The following TENT4A variants were observed in gnomAD, a reference collection of about 807,000 sequenced individuals.
TENT4A encodes terminal nucleotidyltransferase 4A, also known as DNA polymerase kappa.
TENT4A carries 7 observed loss-of-function variants against 72.8 expected under a neutral mutation model. The observed-to-expected ratio is 0.10, with a 90% CI of 0.05 to 0.18. TENT4A has a LOEUF of 0.18. Ranked by LOEUF, TENT4A falls within the 10% of genes least tolerant of loss-of-function variation. The pLI, the probability that TENT4A is intolerant of heterozygous loss-of-function variation, is 1.00. For missense variants in TENT4A, 831 were observed against 1,017.7 expected, an observed-to-expected ratio of 0.82 and a Z score of 2.50; for synonymous variants, 456 against 434.3, an observed-to-expected ratio of 1.05 and a Z score of -0.62.
At chr5:6,722,669 T>C (rs1740719168) in intron 1 of TENT4A, among the ~76,000 whole-genome samples, 1 of 151,670 alleles carries the variant, frequency 6.6e-6, no homozygotes, top group Admixed American at 6.6e-5. Flanking sequence ...CAGGGCTGTA[T>C]GTGCTGCTCC....
At chr5:6,744,874 C>T (rs550036236) in intron 6 of TENT4A, among the ~76,000 whole-genome samples, 1 of 152,202 alleles carries the variant, frequency 6.6e-6, no homozygotes, top group South Asian at 2.1e-4. Context: ...TTTTCATGGC[C>T]TTGTAGTAAC....
intron 9 of TENT4A, 30 bp downstream of exon 9, chr5:6,749,687 T>C (rs1267997697): frequency 7.1e-7 from 1 of 1,409,430 alleles, no homozygotes; most frequent in African/African-American, 1.4e-5. Context: ...GTGTTCATCC[T>C]AACCACTGGC....
chr5:6,727,594 C>G (rs1740997505), intron 1 of TENT4A, among the ~76,000 whole-genome samples: 1 of 152,202 alleles, frequency 6.6e-6, no homozygotes, highest in Non-Finnish European at 1.5e-5. Flanking sequence ...TGCCAGAGTG[C>G]TGTCCCCTTG....
chr5:6,716,369 C>T (rs78012277), intron 1 of TENT4A, among the ~76,000 whole-genome samples: 2,853 of 152,294 alleles, frequency 0.019, 36 homozygotes, highest in South Asian at 0.049. Flanking sequence ...CTCAGTTGTG[C>T]AGGTCCCCTC....
At chr5:6,751,246 A>ATGCTGT in intron 11 of TENT4A, 49 bp downstream of exon 11, 1 of 1,593,188 alleles carries the variant, frequency 6.3e-7, no homozygotes, top group Non-Finnish European at 8.6e-7. Context: ...TGGGAACAGC[A>ATGCTGT]TCCGAGCTGT....
Position 6,754,812 on chromosome 5 carries a change from A to G in TENT4A, c.2246A>G (p.Tyr749Cys), listed in dbSNP as rs201107006. 29 of 1,604,882 alleles carry G rather than the reference A, an allele frequency of 1.8e-5. No individual in the cohort carries two copies. The highest frequency in any genetic ancestry group is 5.0e-5 in the Admixed American group (3 of 59,782). The change falls in exon 13 of 13, where the codon TAC becomes TGC. Residue 749 changes from tyrosine (Y) to cysteine (C), a missense_variant. This residue lies in a region of TENT4A where 332 missense variants were observed against 324.3 expected (regional missense o/e 1.02). Transcript: ENST00000230859. ...CACGGCCACACCCAAGGCGGCGGCT[A>G]CAGCTCTGTGGGTAGCGGAGGTGTG... ...GSHGHTQGGG[Y>C]SSVGSGGVRP...
rs1413149179 is a variant in TENT4A at position 6,750,389 on chromosome 5, C to A, written c.1746C>A (p.Asn582Lys). The A allele has an allele frequency of 2.5e-6, 4 of 1,613,256 alleles. No individual in the cohort carries two copies. In the South Asian group the frequency reaches 4.4e-5, roughly 18 times the overall value. ...IATCNGEQTQ[N>K]REPESPYGQR... The stretch of plus-strand genomic sequence containing the variant: ...CATGCAATGGGGAGCAGACGCAGAA[C>A]CGAGAGCCCGAGTCTCCCTATGGCC... Residue 582 changes from asparagine (N) to lysine (K), a missense_variant, in exon 10 of 13, where the codon AAC (asparagine) becomes AAA (lysine). Transcript: ENST00000230859.
At chr5:6,734,436 C>T (rs1395987114) in intron 1 of TENT4A, among the ~76,000 whole-genome samples, 1 of 152,246 alleles carries the variant, frequency 6.6e-6, no homozygotes, top group Non-Finnish European at 1.5e-5. Context: ...TCTCACACTG[C>T]CTCGTGGGCA....
rs2126586832 is a variant in TENT4A at position 6,714,482 on chromosome 5, C to G, written c.499C>G (p.Pro167Ala). ...CGCCCCTGGCACAGCCAACGGGCAC[C>G]CCGGGCCGCGCGGCCCCGCGCCCGC... ...PSAPGTANGH[P>A]GPRGPAPAGS... Residue 167 changes from proline to alanine, a missense_variant, in exon 1 of 13, where the codon CCC (proline) becomes GCC (alanine). This residue lies in a region of TENT4A where 302 missense variants were observed against 293.8 expected (regional missense o/e 1.03). Coordinates refer to ENST00000230859, the MANE Select transcript of TENT4A (RefSeq NM_006999.6). The G allele has an allele frequency of 8.4e-7, 1 of 1,184,046 alleles. No individual in the cohort carries two copies. Among genetic ancestry groups the G allele is most frequent in the Non-Finnish European group, 1.0e-6 (1 of 957,304 alleles). 73.3% of individuals were successfully genotyped at this position (1,184,046 alleles called of 1,614,324 possible).
At chr5:6,753,146 G>T in intron 12 of TENT4A, 109 bp downstream of exon 12, 1 of 1,158,014 alleles carries the variant, frequency 8.6e-7, no homozygotes. Flanking sequence ...ATTTGAAAAC[G>T]GAATTTGCTT....
intron 4 of TENT4A, among the ~76,000 whole-genome samples, chr5:6,741,785 C>T (rs985857724): frequency 1.3e-5 from 2 of 152,198 alleles, no homozygotes; most frequent in African/African-American, 4.8e-5. Flanking sequence ...TTTCGTTAGA[C>T]ACTGATTGTT....
At position 6,750,037 on chromosome 5, in the gene TENT4A, T is replaced by C. The variant is rs370115687; in HGVS notation, c.1688-294T>C. Among the ~76,000 whole-genome samples the C allele has an allele frequency of 3.3e-5, 5 of 152,390 alleles. No homozygotes were observed. The South Asian group carries it at 8.3e-4, about 25-fold the overall frequency. On this transcript the variant is annotated intron_variant, in intron 9 of 12. Transcript: ENST00000230859. ...GGTGTGTATTTATTCGTACTTATAG[T>C]ACATCCTAATTAGGATGCTAAATTT...
In TENT4A at chr5:6,751,059, C is replaced by T. The variant is rs1178174669; in HGVS notation, c.1881C>T (p.Cys627=). ...TCAAGGATTCAGACACACCGCCCTGCACAACGCCCAGTGTTTACCAGTTCA... is the reference window on the plus strand; with the variant it reads ...TCAAGGATTCAGACACACCGCCCTGTACAACGCCCAGTGTTTACCAGTTCA... ...GSDVDSDTPP[C]TTPSVYQFSL... The change falls in exon 11 of 13, where the codon TGC becomes TGT. Residue 627 remains cysteine, a synonymous_variant. Coordinates refer to ENST00000230859, the MANE Select transcript of TENT4A (RefSeq NM_006999.6). The T allele has an allele frequency of 1.9e-6, 3 of 1,614,100 alleles. No homozygotes were observed. Among genetic ancestry groups the T allele is most frequent in the African/African-American group, 2.7e-5 (2 of 74,934 alleles).
At chr5:6,715,238 C>T (rs542504920) in intron 1 of TENT4A, 7 of 152,292 alleles carry the variant, frequency 4.6e-5, no homozygotes, top group African/African-American at 1.2e-4. Flanking sequence ...CCATAAGCAT[C>T]GCCTATGGTT....
intron 1 of TENT4A, among the ~76,000 whole-genome samples, chr5:6,716,829 T>G (rs1249908829): frequency 6.6e-6 from 1 of 152,220 alleles, no homozygotes; most frequent in Non-Finnish European, 1.5e-5. Context: ...GCAGTCATGC[T>G]CTTGGAACTT....
At chr5:6,746,646 G>A (rs28381393) in intron 7 of TENT4A, among the ~76,000 whole-genome samples, 3,439 of 152,150 alleles carry the variant, frequency 0.023, 95 homozygotes, top group African/African-American at 0.068. Context: ...CTATAATAAA[G>A]AAGAATTAAG....
intron 1 of TENT4A, among the ~76,000 whole-genome samples, chr5:6,722,046 G>A (rs1467042230): frequency 6.6e-6 from 1 of 152,196 alleles, no homozygotes; most frequent in Non-Finnish European, 1.5e-5. Context: ...AGACCTGCTC[G>A]GTGGAGTCCA....
At chr5:6,724,105 G>A (rs1198110614) in intron 1 of TENT4A, among the ~76,000 whole-genome samples, 1 of 152,208 alleles carries the variant, frequency 6.6e-6, no homozygotes, top group East Asian at 1.9e-4. Context: ...GAAAAATTAA[G>A]CATTAAGTGA....
At chr5:6,726,862 C>A (rs1740950529) in intron 1 of TENT4A, among the ~76,000 whole-genome samples, 1 of 152,198 alleles carries the variant, frequency 6.6e-6, no homozygotes, top group African/African-American at 2.4e-5. Flanking sequence ...CGGATATAGA[C>A]TGAGGTCGGC....
Sources: gnomAD v4.1 joint callset for allele counts (sites outside exome capture counted in the v4.1 genomes callset) on GRCh38, gnomAD v4.1.1 for gene constraint, gnomAD v4.1.1 regional missense constraint, MANE v1.5 for transcripts, NCBI Gene and HGNC (gene_info 2026-07-23, HGNC 2026-07-21) for gene names.